WDFY2: variants seen among roughly 807,000 people sequenced by gnomAD.
The protein encoded by WDFY2 is WD repeat and FYVE domain-containing protein 2.
Under a neutral mutation model 56.4 loss-of-function variants are expected in WDFY2, and 36 were observed. The ratio of observed to expected loss-of-function variants is 0.64; its 90% CI spans 0.49 to 0.84. WDFY2 has a LOEUF of 0.84. Among genes scored for constraint, WDFY2 ranks in the 40% least tolerant of loss-of-function variants. The pLI, the probability that WDFY2 is intolerant of heterozygous loss-of-function variation, is 0.00. For synonymous variants in WDFY2, 176 were observed against 183.7 expected (o/e 0.96, Z 0.34); for missense variants, 444 against 512.2 (o/e 0.87, Z 1.29).
Position 51,676,943 on chromosome 13 carries a change from T to TATC in WDFY2, c.279+1700_279+1701insATC, listed in dbSNP as rs547132210. On this transcript the variant is annotated intron_variant, in intron 3 of 11. Transcript: ENST00000298125. ...AGTTATAGGATAGTTTGCGTAACGC[T>TATC]CACTGTCCATGGAAAAACTTAGGTT... is the stretch of plus-strand genomic sequence containing the variant. Among the ~76,000 whole-genome samples, 11 of 152,354 alleles carry TATC rather than the reference T, an allele frequency of 7.2e-5. No homozygotes were observed. In the East Asian group the frequency reaches 1.9e-3, roughly 27 times the overall value.
chr13:51,622,027 C>T (rs1355254567), intron 1 of WDFY2, among the ~76,000 whole-genome samples: 4 of 151,926 alleles, frequency 2.6e-5, no homozygotes, highest in African/African-American at 9.7e-5. Context: ...AGAAGGGAGG[C>T]GGGAAAGATG....
intron 1 of WDFY2, among the ~76,000 whole-genome samples, chr13:51,602,267 A>G (rs1421026904): frequency 6.6e-6 from 1 of 152,210 alleles, no homozygotes; most frequent in Admixed American, 6.5e-5. Context: ...CCATCTTAAC[A>G]TTGTAGTGCA....
At position 51,678,041 on chromosome 13, in the gene WDFY2, C is replaced by T. The variant is rs188260032; in HGVS notation, c.279+2798C>T. ...TTTTCTAATCATATAGCTCAGAATT[C>T]TGCTCTGCCATCTTGGTCTACAAAG... On this transcript the variant is annotated intron_variant, in intron 3 of 11. Transcript: ENST00000298125. 8.3e-4 allele frequency among the ~76,000 whole-genome samples: 126 copies of T among 152,294 alleles called. 1 individual carries two copies. The South Asian group carries it at 0.012, about 14-fold the overall frequency.
chr13:51,665,364 A>G (rs1171793269), intron 2 of WDFY2, among the ~76,000 whole-genome samples: 1 of 152,210 alleles, frequency 6.6e-6, no homozygotes, highest in Non-Finnish European at 1.5e-5. Context: ...AGGCCCTCAG[A>G]TTAAGAGTGG....
intron 2 of WDFY2, among the ~76,000 whole-genome samples, chr13:51,664,311 C>T (rs1442869165): frequency 1.3e-5 from 2 of 152,112 alleles, no homozygotes; most frequent in Admixed American, 6.6e-5. Flanking sequence ...TGGTTAAGGC[C>T]GTTTGTCCCT....
At chr13:51,736,516 G>A (rs1035761429) in intron 6 of WDFY2, among the ~76,000 whole-genome samples, 1 of 152,104 alleles carries the variant, frequency 6.6e-6, no homozygotes, top group African/African-American at 2.4e-5. Flanking sequence ...GTTTGGAGAC[G>A]GAGTCTCACT....
chr13:51,642,648 G>T (rs1390059138), intron 1 of WDFY2, among the ~76,000 whole-genome samples: 3 of 146,924 alleles, frequency 2.0e-5, no homozygotes, highest in African/African-American at 7.5e-5. Context: ...TTATAAACCT[G>T]CTTCGTGACC....
rs538641254 is a variant in WDFY2 at position 51,711,452 on chromosome 13, AC to A, written c.335-7745del. On this transcript the variant is annotated intron_variant, in intron 4 of 11. Transcript: ENST00000298125. ...AAATTGACAAATGGGATCTAATTAA[AC>A]TAAAGAGCTTCTGCACAGCAAAAGA... 1.5e-3 allele frequency among the ~76,000 whole-genome samples: 236 copies of A among 152,322 alleles called. 1 individual carries two copies. Among genetic ancestry groups the A allele is most frequent in the African/African-American group, 5.5e-3 (228 of 41,578 alleles).
chr13:51,613,810 C>T (rs1486037210), intron 1 of WDFY2, among the ~76,000 whole-genome samples: 1 of 152,100 alleles, frequency 6.6e-6, no homozygotes, highest in Non-Finnish European at 1.5e-5. Context: ...TTGCTGATTA[C>T]TGACTTCTCC....
At chr13:51,724,336 C>G (rs1328864749) in intron 5 of WDFY2, among the ~76,000 whole-genome samples, 2 of 145,430 alleles carry the variant, frequency 1.4e-5, no homozygotes, top group East Asian at 4.2e-4. Context: ...CTCCTGGATT[C>G]AAGCGATTCT....
intron 8 of WDFY2, among the ~76,000 whole-genome samples, chr13:51,752,454 T>C (rs1290164572): frequency 6.6e-6 from 1 of 152,206 alleles, no homozygotes; most frequent in East Asian, 1.9e-4. Context: ...CTGGTGATTA[T>C]GTCCTGGGTT....
intron 4 of WDFY2, among the ~76,000 whole-genome samples, chr13:51,713,279 T>A (rs779804711): frequency 6.6e-6 from 1 of 152,186 alleles, no homozygotes; most frequent in Non-Finnish European, 1.5e-5. Flanking sequence ...TACATCATGA[T>A]CAAGTGAAGT....
chr13:51,745,176 G>C (rs890210622), intron 7 of WDFY2, among the ~76,000 whole-genome samples: 13 of 152,142 alleles, frequency 8.5e-5, no homozygotes, highest in African/African-American at 2.7e-4. Flanking sequence ...TGTGCAACTA[G>C]ATTGATTTTT....
At chr13:51,610,368 T>C (rs890349844) in intron 1 of WDFY2, among the ~76,000 whole-genome samples, 1 of 152,148 alleles carries the variant, frequency 6.6e-6, no homozygotes, top group African/African-American at 2.4e-5. Flanking sequence ...AAAGGAATAG[T>C]AATGAGTATT....
chr13:51,599,583 A>G (rs748693457), intron 1 of WDFY2: 2 of 152,236 alleles, frequency 1.3e-5, no homozygotes, highest in African/African-American at 2.4e-5. Context: ...TTTCCTAAAA[A>G]TGAAAAGTTT....
intron 4 of WDFY2, among the ~76,000 whole-genome samples, chr13:51,706,712 C>T (rs1270678941): frequency 1.3e-5 from 2 of 152,208 alleles, no homozygotes; most frequent in Non-Finnish European, 2.9e-5. Context: ...TAAGACCCCA[C>T]GGTTACTTGC....
chr13:51,678,226 G>A (rs990946409), intron 3 of WDFY2, among the ~76,000 whole-genome samples: 2 of 152,160 alleles, frequency 1.3e-5, no homozygotes, highest in African/African-American at 4.8e-5. Flanking sequence ...TTTGCACACT[G>A]TTGAAAAGTC....
chr13:51,595,790 C>A (rs1593853276), intron 1 of WDFY2, among the ~76,000 whole-genome samples: 1 of 152,260 alleles, frequency 6.6e-6, no homozygotes, highest in East Asian at 1.9e-4. Context: ...AAAATCAAGA[C>A]ACCTTTTATA....
chr13:51,685,213 C>T (rs183891312), intron 3 of WDFY2, among the ~76,000 whole-genome samples: 4 of 152,302 alleles, frequency 2.6e-5, no homozygotes, highest in Admixed American at 1.3e-4. Flanking sequence ...TTGAAAGACT[C>T]TTTGTAAGAA....
Sources: gnomAD v4.1 joint callset for allele counts (sites outside exome capture counted in the v4.1 genomes callset) on GRCh38, gnomAD v4.1.1 for gene constraint, MANE v1.5 for transcripts, NCBI Gene and HGNC (gene_info 2026-07-23, HGNC 2026-07-21) for gene names.